MUC7: variants seen among roughly 807,000 people sequenced by gnomAD.
MUC7 encodes mucin-7.
A neutral mutation model predicts 2.5 loss-of-function variants in MUC7; 2 were observed. That is an observed-to-expected ratio of 0.81 (90% CI 0.33 to 2.55). MUC7 has a LOEUF of 2.55. Among genes scored for constraint, MUC7 ranks in the 30% most tolerant of loss-of-function variants. The pLI, the probability that MUC7 is intolerant of heterozygous loss-of-function variation, is 0.11. For missense variants in MUC7, 408 were observed against 455.6 expected (o/e 0.90, Z 0.95); for synonymous variants, 133 against 173.4 (o/e 0.77, Z 1.83).
At position 70,480,826 on chromosome 4, in the gene MUC7, G is replaced by A. The variant is rs1735142783; in HGVS notation, c.82G>A (p.Glu28Lys). Residue 28 changes from glutamate (E) to lysine (K), a missense_variant, in exon 3 of 3, where the codon GAA (glutamate) becomes AAA (lysine). Glu to Lys is a moderately conservative substitution (Grantham distance 56). Coordinates refer to ENST00000304887, the MANE Select transcript of MUC7 (RefSeq NM_152291.3). ...SFSEGRERDH[E>K]LRHRRHHHQS... is the part of the protein sequence containing the mutation. ...CAGTGAAGGTCGAGAAAGGGATCATGAACTACGTCACAGAAGGCATCATCA... is the reference window on the plus strand; with the variant it reads ...CAGTGAAGGTCGAGAAAGGGATCATAAACTACGTCACAGAAGGCATCATCA... 1 of 1,613,712 alleles carries A rather than the reference G, an allele frequency of 6.2e-7. No individual in the cohort carries two copies. The highest frequency in any genetic ancestry group is 1.3e-5 in the African/African-American group (1 of 74,878).
chr4:70,473,358 C>T (rs1444593166), intron 1 of MUC7, among the ~76,000 whole-genome samples: 2 of 151,722 alleles, frequency 1.3e-5, no homozygotes, highest in Non-Finnish European at 2.9e-5. Flanking sequence ...GTGAGAGGAT[C>T]GCTTGAGTCT....
intron 1 of MUC7, among the ~76,000 whole-genome samples, chr4:70,446,038 A>C (rs1278616085): frequency 6.6e-6 from 1 of 152,166 alleles, no homozygotes; most frequent in Non-Finnish European, 1.5e-5. Flanking sequence ...GCCCAAGCAC[A>C]GGGGCTGATG....
At chr4:70,480,526 G>A (rs1278385900) in intron 2 of MUC7, among the ~76,000 whole-genome samples, 1 of 152,162 alleles carries the variant, frequency 6.6e-6, no homozygotes, top group East Asian at 1.9e-4. Context: ...AAGCACAAAA[G>A]TTCGTATCCA....
At chr4:70,441,123 A>G (rs1733994276) in intron 1 of MUC7, among the ~76,000 whole-genome samples, 1 of 152,168 alleles carries the variant, frequency 6.6e-6, no homozygotes, top group Non-Finnish European at 1.5e-5. Context: ...ACATGTATTT[A>G]TAGGTTCTGG....
chr4:70,433,452 C>T (rs944720621), intron 1 of MUC7, among the ~76,000 whole-genome samples: 9 of 151,994 alleles, frequency 5.9e-5, no homozygotes, highest in East Asian at 1.9e-4. Flanking sequence ...TCACATCCCT[C>T]GTAAATTGTA....
intron 1 of MUC7, among the ~76,000 whole-genome samples, chr4:70,440,643 T>C (rs922723514): frequency 6.6e-6 from 1 of 152,154 alleles, no homozygotes; most frequent in Non-Finnish European, 1.5e-5. Context: ...GTAATGGATA[T>C]CCCAATTACA....
chr4:70,463,691 T>C (rs1734612187), intron 1 of MUC7, among the ~76,000 whole-genome samples: 1 of 152,208 alleles, frequency 6.6e-6, no homozygotes, highest in Admixed American at 6.5e-5. Context: ...TTTTAAATTT[T>C]TGTGTAATTG....
intron 1 of MUC7, among the ~76,000 whole-genome samples, chr4:70,446,707 C>T (rs1734149440): frequency 6.6e-6 from 1 of 152,130 alleles, no homozygotes; most frequent in African/African-American, 2.4e-5. Context: ...ATCTATAACA[C>T]CATTTACCAT....
chr4:70,451,097 T>A lies in MUC7; in HGVS notation c.-93+20410T>A, dbSNP rs538691029. Among the ~76,000 whole-genome samples, 15 of 152,322 alleles carry A rather than the reference T, an allele frequency of 9.8e-5. No homozygotes were observed. In the South Asian group the frequency reaches 2.7e-3, roughly 27 times the overall value. On this transcript the variant is annotated intron_variant, in intron 1 of 3. Coordinates refer to the MUC7 transcript ENST00000413702. Reference sequence around the variant, plus strand: ...CACAGAGTGCTGTAGCCCTCAGTGGTGAGGTCTGTAGGAACTCAAGTTCAG... The same window carrying A: ...CACAGAGTGCTGTAGCCCTCAGTGGAGAGGTCTGTAGGAACTCAAGTTCAG...
chr4:70,460,911 T>C (rs1257444439), intron 1 of MUC7, among the ~76,000 whole-genome samples: 1 of 152,204 alleles, frequency 6.6e-6, no homozygotes, highest in East Asian at 1.9e-4. Context: ...TCAGTGCAAG[T>C]TCCCTATCTG....
chr4:70,449,919 GT>G (rs1734239059), intron 1 of MUC7, among the ~76,000 whole-genome samples: 1 of 152,150 alleles, frequency 6.6e-6, no homozygotes, highest in Non-Finnish European at 1.5e-5. Context: ...ACAGCTCTGG[GT>G]CTTGCCCAAG....
At chr4:70,468,567 G>A (rs1309931776), upstream of MUC7, among the ~76,000 whole-genome samples, 1 of 152,142 alleles carries the variant, frequency 6.6e-6, no homozygotes, top group Non-Finnish European at 1.5e-5. Context: ...CAAAGTCTCA[G>A]GCTACAAAAT....
At position 70,465,759 on chromosome 4, in the gene MUC7, A is replaced by G. The variant is rs549946675; in HGVS notation, c.-92-6456A>G. Among the ~76,000 whole-genome samples the G allele has an allele frequency of 6.6e-5, 10 of 152,348 alleles. No homozygotes were observed. The East Asian group carries it at 1.9e-3, about 29-fold the overall frequency. ...AATATGGGACTATGTGAAAAGACCA[A>G]ACTTACGCTTGATTGGTGTACATGA... On this transcript the variant is annotated intron_variant, in intron 1 of 3. Transcript: ENST00000413702.
At chr4:70,466,808 G>A (rs1734696606) in intron 1 of MUC7, among the ~76,000 whole-genome samples, 1 of 152,072 alleles carries the variant, frequency 6.6e-6, no homozygotes, top group Admixed American at 6.6e-5. Flanking sequence ...CAATAATACT[G>A]GGAGACTTCA....
chr4:70,441,248 G>A (rs897449222), intron 1 of MUC7, among the ~76,000 whole-genome samples: 3 of 152,028 alleles, frequency 2.0e-5, no homozygotes, highest in African/African-American at 4.8e-5. Context: ...TCTTGTTTAA[G>A]AACTTTATTA....
At chr4:70,462,043 C>G (rs1734569434) in intron 1 of MUC7, among the ~76,000 whole-genome samples, 1 of 152,104 alleles carries the variant, frequency 6.6e-6, no homozygotes, top group Non-Finnish European at 1.5e-5. Context: ...GGGACCCCGT[C>G]TCTACAACAA....
chr4:70,451,237 G>A (rs1171420831), intron 1 of MUC7, among the ~76,000 whole-genome samples: 1 of 152,222 alleles, frequency 6.6e-6, no homozygotes, highest in Non-Finnish European at 1.5e-5. Flanking sequence ...GGACAGCACT[G>A]AGTTCCATGT....
In MUC7 at chr4:70,481,157, C is replaced by G; in HGVS notation, c.413C>G (p.Thr138Ser). 1.2e-6 allele frequency: 2 copies of G among 1,614,212 alleles called. No homozygotes were observed. Among genetic ancestry groups the G allele is most frequent in the Non-Finnish European group, 1.7e-6 (2 of 1,180,042 alleles). The change falls in exon 3 of 3, where the codon ACC becomes AGC. Residue 138 changes from threonine (T) to serine (S), a missense_variant. Physicochemically the swap from Thr to Ser is moderately conservative, Grantham distance 58. Transcript: ENST00000304887. ...ACTTTTCTTCCCCAGAATGCCACCACCATATCTTCAAGAGAAAATGTTAAC... is the reference window on the plus strand; with the variant it reads ...ACTTTTCTTCCCCAGAATGCCACCAGCATATCTTCAAGAGAAAATGTTAAC... ...NVTFLPQNATTISSRENVNTS... is the reference protein window; with the variant it reads ...NVTFLPQNATSISSRENVNTS...
At chr4:70,457,766 G>T (rs1231671742) in intron 1 of MUC7, among the ~76,000 whole-genome samples, 1 of 151,968 alleles carries the variant, frequency 6.6e-6, no homozygotes, top group African/African-American at 2.4e-5. Flanking sequence ...GTGAGAGAGA[G>T]ATACCAAGTC....
Sources: allele counts gnomAD v4.1 joint callset (sites outside exome capture counted in the v4.1 genomes callset), GRCh38; gene constraint gnomAD v4.1.1; transcripts MANE v1.5; gene names NCBI Gene and HGNC (gene_info 2026-07-23, HGNC 2026-07-21).